The following GRM1 variants were observed in gnomAD, a reference collection of about 807,000 sequenced individuals.
GRM1 encodes the protein metabotropic glutamate receptor 1.
Under a neutral mutation model 90.9 loss-of-function variants are expected in GRM1, and 33 were observed. The ratio of observed to expected loss-of-function variants is 0.36; its 90% CI spans 0.28 to 0.49. The LOEUF is 0.49. Among genes scored for constraint, GRM1 ranks in the 20% least tolerant of loss-of-function variants. The pLI is 0.99. For synonymous variants in GRM1, 700 were observed against 613.2 expected, an observed-to-expected ratio of 1.14 and a Z score of -2.09; for missense variants, 1,190 against 1,534.3, an observed-to-expected ratio of 0.78 and a Z score of 3.75.
chr6:146,172,322 T>C (rs1485906769), intron 2 of GRM1, among the ~76,000 whole-genome samples: 1 of 152,210 alleles, frequency 6.6e-6, no homozygotes, highest in African/African-American at 2.4e-5. Flanking sequence ...TCTGCTACTG[T>C]TAATAAGCAT....
intron 2 of GRM1, among the ~76,000 whole-genome samples, chr6:146,242,618 G>C (rs2114737583): frequency 6.6e-6 from 1 of 152,168 alleles, no homozygotes; most frequent in South Asian, 2.1e-4. Context: ...CCTGTGCTCT[G>C]TCGACACCCT....
At chr6:146,125,173 C>G (rs1776150613) in intron 1 of GRM1, among the ~76,000 whole-genome samples, 1 of 151,902 alleles carries the variant, frequency 6.6e-6, no homozygotes, top group Non-Finnish European at 1.5e-5. Flanking sequence ...TGCACGTTCT[C>G]TAAGAAAAAA....
At chr6:146,137,396 C>T (rs1398433557) in intron 1 of GRM1, among the ~76,000 whole-genome samples, 1 of 152,150 alleles carries the variant, frequency 6.6e-6, no homozygotes. Flanking sequence ...CCCAGTTTTC[C>T]TAATGCCATT....
chr6:146,175,070 T>A (rs1778290219), intron 2 of GRM1, among the ~76,000 whole-genome samples: 1 of 152,178 alleles, frequency 6.6e-6, no homozygotes, highest in Admixed American at 6.5e-5. Flanking sequence ...CTGTTACTTT[T>A]GCCATATTCT....
At chr6:146,137,377 A>T (rs1051275855) in intron 1 of GRM1, among the ~76,000 whole-genome samples, 1 of 152,210 alleles carries the variant, frequency 6.6e-6, no homozygotes, top group Non-Finnish European at 1.5e-5. Flanking sequence ...ATTCTTCTGC[A>T]TATGGATACC....
At chr6:146,233,269 T>C (rs1399794839) in intron 2 of GRM1, among the ~76,000 whole-genome samples, 1 of 152,174 alleles carries the variant, frequency 6.6e-6, no homozygotes, top group Non-Finnish European at 1.5e-5. Context: ...AGCATTGCTT[T>C]AGCTGCATCC....
chr6:146,071,754 C>T (rs944034566), intron 1 of GRM1, among the ~76,000 whole-genome samples: 3 of 152,100 alleles, frequency 2.0e-5, no homozygotes, highest in Non-Finnish European at 4.4e-5. Flanking sequence ...TTGACCAACC[C>T]AATAGCAAGC....
chr6:146,365,814 T>G (rs1420653201), intron 5 of GRM1, among the ~76,000 whole-genome samples: 2 of 152,106 alleles, frequency 1.3e-5, no homozygotes, highest in Non-Finnish European at 2.9e-5. Context: ...GGTGTCTTCC[T>G]ATCAGGACGA....
At chr6:146,141,858 A>G (rs1354159671) in intron 1 of GRM1, among the ~76,000 whole-genome samples, 8 of 152,198 alleles carry the variant, frequency 5.3e-5, no homozygotes, top group African/African-American at 1.7e-4. Flanking sequence ...AAAAGGTCAC[A>G]TATTTCTGTC....
intron 1 of GRM1, among the ~76,000 whole-genome samples, chr6:146,107,912 A>G (rs952880503): frequency 2.0e-5 from 3 of 152,166 alleles, no homozygotes; most frequent in African/African-American, 7.2e-5. Flanking sequence ...GAAATTATTT[A>G]CTTATATCAG....
intron 2 of GRM1, among the ~76,000 whole-genome samples, chr6:146,186,679 G>T (rs1423064052): frequency 6.6e-6 from 1 of 151,954 alleles, no homozygotes; most frequent in East Asian, 1.9e-4. Flanking sequence ...ACAGATCATA[G>T]TTTTTTTTGT....
intron 3 of GRM1, among the ~76,000 whole-genome samples, chr6:146,322,739 C>T (rs1389326551): frequency 6.6e-6 from 1 of 152,038 alleles, no homozygotes; most frequent in Non-Finnish European, 1.5e-5. Context: ...TCTCCTAATG[C>T]TATCCCTCCC....
chr6:146,088,760 G>A (rs963484391), intron 1 of GRM1, among the ~76,000 whole-genome samples: 2 of 152,102 alleles, frequency 1.3e-5, no homozygotes, highest in Non-Finnish European at 2.9e-5. Flanking sequence ...CATCACAGTA[G>A]CTGCCCCCGT....
intron 1 of GRM1, among the ~76,000 whole-genome samples, chr6:146,048,741 A>G (rs147525765): frequency 3.1e-4 from 47 of 152,122 alleles, no homozygotes; most frequent in African/African-American, 1.1e-3. Flanking sequence ...GAAGAACACA[A>G]TTTGAAGATG....
chr6:146,237,705 G>A (rs1780702361), intron 2 of GRM1, among the ~76,000 whole-genome samples: 2 of 152,100 alleles, frequency 1.3e-5, no homozygotes, highest in South Asian at 4.1e-4. Context: ...AGAAATGAGA[G>A]TTTGATCAGT....
chr6:146,029,563 G>T lies in GRM1; in HGVS notation c.46G>T (p.Val16Leu). ...TTTTTTCCCAGCGATCTTTTTGGAG[G>T]TGTCCCTTCTCCCCAGAAGCCCCGG... ...LFFFPAIFLE[V>L]SLLPRSPGRK... Residue 16 changes from valine to leucine, a missense_variant, in exon 1 of 8, where the codon GTG (valine) becomes TTG (leucine). By Grantham distance (32) the Val-to-Leu change is conservative. Transcript: ENST00000282753. 3 of 1,614,102 alleles carry T rather than the reference G, an allele frequency of 1.9e-6. No homozygotes were observed. Among genetic ancestry groups the T allele is most frequent in the Non-Finnish European group, 2.5e-6 (3 of 1,180,002 alleles).
chr6:146,083,604 G>GT (rs879232641), intron 1 of GRM1, among the ~76,000 whole-genome samples: 1 of 152,192 alleles, frequency 6.6e-6, no homozygotes, highest in Non-Finnish European at 1.5e-5. Flanking sequence ...TGGTGGATAA[G>GT]TTTTTTGATG....
intron 2 of GRM1, among the ~76,000 whole-genome samples, chr6:146,211,213 AGT>A (rs1271352280): frequency 1.3e-5 from 2 of 152,108 alleles, no homozygotes; most frequent in East Asian, 3.9e-4. Context: ...ATGAGCATTG[AGT>A]TTGTCTTTGG....
chr6:146,231,696 G>T (rs1780454717), intron 2 of GRM1, among the ~76,000 whole-genome samples: 1 of 151,942 alleles, frequency 6.6e-6, no homozygotes, highest in Admixed American at 6.6e-5. Context: ...TTTGTGTGTT[G>T]ATATGGTGAA....
Sources: allele counts gnomAD v4.1 joint callset (sites outside exome capture counted in the v4.1 genomes callset), GRCh38; gene constraint gnomAD v4.1.1; transcripts MANE v1.5; gene names NCBI Gene and HGNC (gene_info 2026-07-23, HGNC 2026-07-21).